Variants in UNC5B observed in about 807,000 individuals in gnomAD.
UNC5B encodes netrin receptor UNC5B.
A neutral mutation model predicts 103.7 loss-of-function variants in UNC5B; 56 were observed. That is an observed-to-expected ratio of 0.54 (90% CI 0.44 to 0.67). The LOEUF (loss-of-function observed/expected upper bound fraction) is 0.67, where lower values mean the gene tolerates loss of function less well. Among genes scored for constraint, UNC5B ranks in the 30% least tolerant of loss-of-function variants. The pLI, the probability that UNC5B is intolerant of heterozygous loss-of-function variation, is 0.00. For synonymous variants in UNC5B, 577 were observed against 542.0 expected, an observed-to-expected ratio of 1.06 and a Z score of -0.90; for missense variants, 1,194 against 1,284.5, an observed-to-expected ratio of 0.93 and a Z score of 1.08.
At chr10:71,247,667 GC>G (rs944117294) in intron 1 of UNC5B, among the ~76,000 whole-genome samples, 5 of 152,132 alleles carry the variant, frequency 3.3e-5, no homozygotes, top group African/African-American at 1.2e-4. Context: ...CAGTCCCCAG[GC>G]CCCAGCATGG....
At chr10:71,267,631 C>T (rs1321064606) in intron 1 of UNC5B, among the ~76,000 whole-genome samples, 3 of 152,150 alleles carry the variant, frequency 2.0e-5, no homozygotes, top group African/African-American at 4.8e-5. Flanking sequence ...TGAGCCTCAC[C>T]ACAGGCATGG....
At position 71,300,797 on chromosome 10, in the gene UNC5B, G is replaced by C. The variant is rs1424565973; in HGVS notation, c.*1520G>C. 1.3e-5 allele frequency: 2 copies of C among 152,296 alleles called. No individual in the cohort carries two copies. The highest frequency in any genetic ancestry group is 2.9e-5 in the Non-Finnish European group (2 of 68,120). 9.4% of individuals were successfully genotyped at this position (152,296 alleles called of 1,614,324 possible). ...GCTTCATATGCCCAGGAGTGGAGAA[G>C]GAGGCTGAGAAGCTGGTTTCCCAGC... On this transcript the variant is annotated 3_prime_UTR_variant, in exon 17 of 17. Coordinates refer to ENST00000335350, the MANE Select transcript of UNC5B (RefSeq NM_170744.5).
At chr10:71,233,755 T>A (rs923834817) in intron 1 of UNC5B, among the ~76,000 whole-genome samples, 2 of 151,922 alleles carry the variant, frequency 1.3e-5, no homozygotes. Flanking sequence ...CACAGGGGAG[T>A]GTGCCTTTAA....
At position 71,302,520 on chromosome 10, in the gene UNC5B, G is replaced by A. The variant is rs916790678; in HGVS notation, c.*3243G>A. On this transcript the variant is annotated 3_prime_UTR_variant, in exon 17 of 17. Coordinates refer to ENST00000335350, the MANE Select transcript of UNC5B (RefSeq NM_170744.5). ...CAGTGCCCCCGGCTCCAGAGCTCAG[G>A]GGTAGGGGTTCTCCTGAGGGTGCAG... 2 of 151,684 alleles carry A rather than the reference G, an allele frequency of 1.3e-5. No homozygotes were observed. The highest frequency in any genetic ancestry group is 2.4e-5 in the African/African-American group (1 of 40,824). The allele number at this position is 151,684 out of a possible 1,614,324, so 9.4% of individuals were successfully genotyped here.
intron 1 of UNC5B, among the ~76,000 whole-genome samples, chr10:71,265,011 A>G (rs1200487331): frequency 2.0e-5 from 3 of 149,540 alleles, no homozygotes; most frequent in African/African-American, 5.0e-5. Flanking sequence ...CTTAAAGTCA[A>G]AGAGACCCAG....
At chr10:71,289,133 G>C (rs1242221186) in intron 8 of UNC5B, 143 bp downstream of exon 8, 54 of 1,046,660 alleles carry the variant, frequency 5.2e-5, no homozygotes. Context: ...ACCTGACACT[G>C]CATGTGTCTG....
rs754569129 is a variant in UNC5B at position 71,295,857 on chromosome 10, A to G, written c.2222A>G (p.Glu741Gly). The G allele has an allele frequency of 1.9e-6, 3 of 1,612,834 alleles. No individual in the cohort carries two copies. The highest frequency in any genetic ancestry group is 2.7e-5 in the African/African-American group (2 of 74,880). Residue 741 changes from glutamate (E) to glycine (G), a missense_variant, in exon 14 of 17, where the codon GAG becomes GGG. Coordinates refer to ENST00000335350, the MANE Select transcript of UNC5B (RefSeq NM_170744.5). Reference protein sequence around the residue: ...ERTLGGYLVEEPKPLMFKDSY... With the variant: ...ERTLGGYLVEGPKPLMFKDSY... ...ACTCTGGGCGGATACTTGGTGGAGG[A>G]GCCGAAACCGCTAATGTTCAAGGAC...
chr10:71,268,563 G>A (rs1433014146), intron 1 of UNC5B, among the ~76,000 whole-genome samples: 1 of 152,226 alleles, frequency 6.6e-6, no homozygotes. Flanking sequence ...GCCTCCTGGT[G>A]GTGGTGCTGA....
intron 11 of UNC5B, among the ~76,000 whole-genome samples, chr10:71,292,875 G>A (rs7907590): frequency 0.72 from 108,918 of 152,166 alleles, 42,447 homozygotes; most frequent in Non-Finnish European, 0.86. Context: ...CACACACACT[G>A]TCTCACACAA....
intron 1 of UNC5B, among the ~76,000 whole-genome samples, chr10:71,221,874 CT>C (rs1481277485): frequency 8.5e-5 from 13 of 152,286 alleles, no homozygotes; most frequent in African/African-American, 3.1e-4. Context: ...AGCTTAGTTC[CT>C]TCATTTGTAA....
Position 71,213,127 on chromosome 10 carries a change from A to T in UNC5B, c.79+63A>T. 8.4e-7 allele frequency: 1 copy of T among 1,190,216 alleles called. No homozygotes were observed. 73.7% of individuals were successfully genotyped at this position (1,190,216 alleles called of 1,614,324 possible). ...GACCCTTGCGCCTCACTCTGTCCTG[A>T]AGTTGAGGTGGTCTTTCGTCGCATC... On this transcript the variant is annotated intron_variant, in intron 1 of 16. Transcript: ENST00000335350. The surrounding 1 kb of genome is among the most constrained non-coding windows in gnomAD (Gnocchi z 4.1).
chr10:71,214,887 C>A (rs1258583010), intron 1 of UNC5B, among the ~76,000 whole-genome samples: 2 of 152,192 alleles, frequency 1.3e-5, no homozygotes, highest in East Asian at 1.9e-4. Flanking sequence ...GGTGCCCAGT[C>A]AGAAATGGCC....
intron 1 of UNC5B, among the ~76,000 whole-genome samples, chr10:71,229,584 A>AG: frequency 6.6e-6 from 1 of 152,160 alleles, no homozygotes; most frequent in Admixed American, 6.5e-5. Flanking sequence ...ATCACGGCCC[A>AG]CTGGACCAGA....
At chr10:71,249,514 G>A (rs1445061886) in intron 1 of UNC5B, among the ~76,000 whole-genome samples, 1 of 152,320 alleles carries the variant, frequency 6.6e-6, no homozygotes, top group African/African-American at 2.4e-5. Flanking sequence ...TCTGTGGAAC[G>A]CACCTTGCAC....
chr10:71,275,189 A>G (rs996369830), intron 1 of UNC5B, among the ~76,000 whole-genome samples: 6 of 152,190 alleles, frequency 3.9e-5, no homozygotes, highest in Admixed American at 6.5e-5. Context: ...TATCTGGACC[A>G]TTCTTGGATG....
chr10:71,226,739 T>C (rs1843571964), intron 1 of UNC5B, among the ~76,000 whole-genome samples: 1 of 152,270 alleles, frequency 6.6e-6, no homozygotes, highest in Admixed American at 6.5e-5. Context: ...TTCGCTAATA[T>C]TAATAACATG....
chr10:71,218,914 G>A (rs773738879), intron 1 of UNC5B, among the ~76,000 whole-genome samples: 1 of 152,260 alleles, frequency 6.6e-6, no homozygotes, highest in South Asian at 2.1e-4. Flanking sequence ...GACTCTCAGC[G>A]GTAGCAATTT....
At chr10:71,227,696 A>G (rs1024764673) in intron 1 of UNC5B, among the ~76,000 whole-genome samples, 1 of 121,692 alleles carries the variant, frequency 8.2e-6, no homozygotes, top group Admixed American at 8.2e-5. Context: ...ACACATATAT[A>G]TACACACATA....
At chr10:71,219,434 C>T (rs1180422843) in intron 1 of UNC5B, among the ~76,000 whole-genome samples, 2 of 152,170 alleles carry the variant, frequency 1.3e-5, no homozygotes, top group African/African-American at 4.8e-5. Context: ...AAGCATCCAG[C>T]ACGGGAGAAA....
Sources: gnomAD v4.1 joint callset for allele counts (sites outside exome capture counted in the v4.1 genomes callset) on GRCh38, gnomAD v4.1.1 for gene constraint, Gnocchi (gnomAD v3.1) non-coding constraint, MANE v1.5 for transcripts, NCBI Gene and HGNC (gene_info 2026-07-23, HGNC 2026-07-21) for gene names.